The following THAP6 variants were observed in gnomAD, a reference collection of about 807,000 sequenced individuals.
The protein encoded by THAP6 is THAP domain-containing protein 6.
Under a neutral mutation model 20.0 loss-of-function variants are expected in THAP6, and 13 were observed. That is an observed-to-expected ratio of 0.65 (90% confidence interval 0.42 to 1.03). The LOEUF is 1.03. THAP6 is among the 50% of genes least tolerant of loss of function. The pLI is 0.00. For missense variants in THAP6, 262 were observed against 261.6 expected, an observed-to-expected ratio of 1.00 and a Z score of -0.01; for synonymous variants, 93 against 92.2, an observed-to-expected ratio of 1.01 and a Z score of -0.05.
intron 2 of THAP6, chr4:75,539,796 G>C: frequency 6.5e-7 from 1 of 1,533,410 alleles, no homozygotes; most frequent in South Asian, 1.2e-5. Flanking sequence ...ATAAAACGTA[G>C]ACCATACAAT....
In THAP6 at chr4:75,528,601, T is replaced by C. The variant is rs1726521172; in HGVS notation, c.*1387T>C. 1.8e-5 allele frequency: 18 copies of C among 984,388 alleles called. No homozygotes were observed. The highest frequency in any genetic ancestry group is 2.2e-5 in the Non-Finnish European group (18 of 829,118). The allele number at this position is 984,388 out of a possible 1,614,324, so 61.0% of individuals were successfully genotyped here. A position where few individuals can be genotyped will look rare whatever the true frequency, so the allele number is the denominator to read the frequency against. On this transcript the variant is annotated 3_prime_UTR_variant, in exon 5 of 5. Transcript: ENST00000311638. ...CTTGAATTTTTTGTATTTAAGAATT[T>C]TCTGTTTTAATGCATGTTATACTTT...
intron 2 of THAP6, among the ~76,000 whole-genome samples, chr4:75,540,964 C>T (rs1216874404): frequency 6.6e-6 from 1 of 152,102 alleles, no homozygotes; most frequent in Non-Finnish European, 1.5e-5. Context: ...ATGGCCATCA[C>T]CATCATCTGG....
At chr4:75,534,435 A>G (rs1184180029), downstream of THAP6, among the ~76,000 whole-genome samples, 2 of 152,166 alleles carry the variant, frequency 1.3e-5, no homozygotes, top group African/African-American at 4.8e-5. Context: ...AGACTTAAAT[A>G]TTAGACCTAA....
At chr4:75,530,165 G>T, downstream of THAP6, 1 of 708,864 alleles carries the variant, frequency 1.4e-6, no homozygotes, top group Non-Finnish European at 1.7e-6. Flanking sequence ...GATGACCCAC[G>T]TAGCAGGCCA....
chr4:75,545,844 G>C (rs1183819627), intron 3 of THAP6, among the ~76,000 whole-genome samples: 1 of 152,212 alleles, frequency 6.6e-6, no homozygotes, highest in African/African-American at 2.4e-5. Flanking sequence ...GCCTTTCTCT[G>C]AGCAGAACTT....
chr4:75,524,422 C>T (rs943420244), intron 4 of THAP6, among the ~76,000 whole-genome samples: 7 of 152,056 alleles, frequency 4.6e-5, no homozygotes, highest in Admixed American at 4.6e-4. Flanking sequence ...TGTGTCAGTC[C>T]ATATTTCCAC....
intron 2 of THAP6, among the ~76,000 whole-genome samples, chr4:75,541,167 CTG>C (rs575392752): frequency 7.5e-4 from 114 of 152,270 alleles, no homozygotes; most frequent in African/African-American, 2.7e-3. Context: ...CAAAGGGGCT[CTG>C]TATGTGCCAC....
At chr4:75,517,244 C>T in intron 3 of THAP6, 1 of 302,776 alleles carries the variant, frequency 3.3e-6, no homozygotes. Context: ...TCTTGAACTC[C>T]TGACCTCGTG....
Position 75,527,280 on chromosome 4 carries a change from C to T in THAP6, c.*66C>T. Reference sequence around the variant, plus strand: ...ACAAATTTTTATAAAATCTCATTTACCATCACTAAATAATATCCATCATTT... The same window carrying T: ...ACAAATTTTTATAAAATCTCATTTATCATCACTAAATAATATCCATCATTT... On this transcript the variant is annotated 3_prime_UTR_variant, in exon 5 of 5. Coordinates refer to ENST00000311638, the MANE Select transcript of THAP6 (RefSeq NM_144721.6). 1 of 1,558,092 alleles carries T rather than the reference C, an allele frequency of 6.4e-7. No homozygotes were observed.
At chr4:75,519,283 G>A (rs1489574147) in intron 3 of THAP6, among the ~76,000 whole-genome samples, 2 of 150,466 alleles carry the variant, frequency 1.3e-5, no homozygotes, top group Admixed American at 6.6e-5. Context: ...TTCACACTGG[G>A]GTTATTATAA....
At chr4:75,539,902 C>A (rs1389881740) in intron 2 of THAP6, 7 of 1,535,742 alleles carry the variant, frequency 4.6e-6, no homozygotes, top group Non-Finnish European at 5.2e-6. Flanking sequence ...GAACAAAAAC[C>A]AAGAAGAGAG....
intron 4 of THAP6, among the ~76,000 whole-genome samples, chr4:75,525,966 T>G (rs940433884): frequency 3.3e-5 from 5 of 152,192 alleles, no homozygotes; most frequent in African/African-American, 4.8e-5. Context: ...AAGGGGAGCC[T>G]CTGAAGATCT....
intron 3 of THAP6, chr4:75,542,731 T>A (rs1342474507): frequency 8.6e-6 from 3 of 348,008 alleles, no homozygotes; most frequent in Non-Finnish European, 1.0e-5. Context: ...TTTTGTTTTG[T>A]TTTGTCTTTT....
At chr4:75,526,119 C>T (rs947298924) in intron 4 of THAP6, among the ~76,000 whole-genome samples, 2 of 152,168 alleles carry the variant, frequency 1.3e-5, no homozygotes, top group African/African-American at 4.8e-5. Context: ...GCCCTGAGGC[C>T]GAGAAACTCT....
chr4:75,540,024 A>G, intron 2 of THAP6: 4 of 1,498,960 alleles, frequency 2.7e-6, no homozygotes, highest in Middle Eastern at 1.7e-4. Flanking sequence ...GGCAAGGAAC[A>G]TTGTATCACT....
chr4:75,540,389 G>A (rs1726971212), intron 2 of THAP6, among the ~76,000 whole-genome samples: 1 of 152,208 alleles, frequency 6.6e-6, no homozygotes, highest in Admixed American at 6.5e-5. Context: ...TCATAGGCTA[G>A]CTACTTTGTG....
intron 3 of THAP6, among the ~76,000 whole-genome samples, chr4:75,545,729 C>T (rs142760887): frequency 0.012 from 1,865 of 152,314 alleles, 31 homozygotes; most frequent in African/African-American, 0.042. Flanking sequence ...AGAAGAATGC[C>T]TCTCCCAGGC....
At chr4:75,532,868 A>T (rs1726728681), downstream of THAP6, among the ~76,000 whole-genome samples, 1 of 152,012 alleles carries the variant, frequency 6.6e-6, no homozygotes, top group East Asian at 1.9e-4. Context: ...CAACACGGGG[A>T]CCCTGGGCCT....
Position 75,528,909 on chromosome 4 carries a change from C to A in THAP6, c.*1695C>A. ...GCTAAAAATACAAAAAAAAATTAGC[C>A]GGGCATGGTGGCACGTGCCTGTAAT... On this transcript the variant is annotated 3_prime_UTR_variant, in exon 5 of 5. Coordinates refer to ENST00000311638, the MANE Select transcript of THAP6 (RefSeq NM_144721.6). 1 of 538,974 alleles carries A rather than the reference C, an allele frequency of 1.9e-6. No homozygotes were observed. The highest frequency in any genetic ancestry group is 2.4e-6 in the Non-Finnish European group (1 of 422,482). 33.4% of individuals were successfully genotyped at this position (538,974 alleles called of 1,614,324 possible). A position where few individuals can be genotyped will look rare whatever the true frequency, so the allele number is the denominator to read the frequency against.
Sources: gnomAD v4.1 joint callset for allele counts (sites outside exome capture counted in the v4.1 genomes callset) on GRCh38, gnomAD v4.1.1 for gene constraint, MANE v1.5 for transcripts, NCBI Gene and HGNC (gene_info 2026-07-23, HGNC 2026-07-21) for gene names.